The following ADARB2 variants were observed in gnomAD, a reference collection of about 807,000 sequenced individuals.
The protein encoded by ADARB2 is adenosine deaminase RNA specific B2 (inactive).
A neutral mutation model predicts 62.2 loss-of-function variants in ADARB2; 25 were observed. That is an observed-to-expected ratio of 0.40 (90% CI 0.29 to 0.56). ADARB2 has a LOEUF of 0.56. Ranked by LOEUF, ADARB2 falls within the 20% of genes least tolerant of loss-of-function variation. ADARB2 has a pLI of 0.43. For synonymous variants in ADARB2, 572 were observed against 500.8 expected (o/e 1.14, Z -1.90); for missense variants, 1,071 against 1,077.4 (o/e 0.99, Z 0.08).
intron 3 of ADARB2, among the ~76,000 whole-genome samples, chr10:1,276,793 G>C (rs62502342): frequency 0.36 from 55,173 of 151,888 alleles, 10,189 homozygotes; most frequent in South Asian, 0.53. Context: ...CCCAAATCAA[G>C]AGAATATACA....
rs147357793 is a variant in ADARB2, at chr10:1,348,160, A to T, written c.1077+14868T>A. Among the ~76,000 whole-genome samples the T allele has an allele frequency of 1.4e-3, 215 of 152,256 alleles. 1 individual carries two copies. Among genetic ancestry groups the T allele is most frequent in the African/African-American group, 4.8e-3 (199 of 41,538 alleles). On this transcript the variant is annotated intron_variant, in intron 3 of 9. Coordinates refer to ENST00000381312, the MANE Select transcript of ADARB2 (RefSeq NM_018702.4). ...TTGCTGAGCACGGGGTGTGCCCTGCATTGCTGGGGGCTGGGGTGGGAGTGG... is the reference window on the plus strand; with the variant it reads ...TTGCTGAGCACGGGGTGTGCCCTGCTTTGCTGGGGGCTGGGGTGGGAGTGG...
intron 1 of ADARB2, among the ~76,000 whole-genome samples, chr10:1,645,068 G>A (rs373096857): frequency 2.8e-4 from 42 of 152,330 alleles, no homozygotes; most frequent in African/African-American, 8.2e-4. Context: ...AAATGCCAAC[G>A]CATGGAAAAC....
At chr10:1,668,221 G>C (rs972777111) in intron 1 of ADARB2, among the ~76,000 whole-genome samples, 2 of 152,224 alleles carry the variant, frequency 1.3e-5, no homozygotes, top group Non-Finnish European at 2.9e-5. Flanking sequence ...GGTTGCAATA[G>C]TTTTGAGTGA....
Position 1,549,893 on chromosome 10 carries a change from G to A in ADARB2, c.101-170733C>T, listed in dbSNP as rs1052564193. ...CTCTCCTGGGTGCTGGGTCTGCAGC[G>A]TGAGATTAGATGGAGCTCTCTGTGC... is the stretch of plus-strand genomic sequence containing the variant. On this transcript the variant is annotated intron_variant, in intron 1 of 9. Transcript: ENST00000381312. Among the ~76,000 whole-genome samples the A allele has an allele frequency of 2.0e-5, 3 of 152,156 alleles. No homozygotes were observed. The East Asian group carries it at 5.8e-4, about 29-fold the overall frequency.
At chr10:1,318,610 G>A (rs1413544755) in intron 3 of ADARB2, among the ~76,000 whole-genome samples, 1 of 23,132 alleles carries the variant, frequency 4.3e-5, no homozygotes, top group Non-Finnish European at 9.8e-5. Flanking sequence ...CTGTCCTCGT[G>A]TACAAGTGGG....
intron 3 of ADARB2, among the ~76,000 whole-genome samples, chr10:1,351,881 C>T (rs551129764): frequency 2.1e-4 from 31 of 149,596 alleles, no homozygotes; most frequent in Admixed American, 5.3e-4. Context: ...TGTGCCTTAT[C>T]AACCAAATTG....
chr10:1,616,955 T>TGC (rs1413551070), intron 1 of ADARB2, among the ~76,000 whole-genome samples: 153 of 150,276 alleles, frequency 1.0e-3, no homozygotes, highest in African/African-American at 3.5e-3. Context: ...TGCTGTGCTC[T>TGC]GCATCCTGGG....
intron 3 of ADARB2, among the ~76,000 whole-genome samples, chr10:1,345,187 TC>T (rs1438906050): frequency 6.6e-6 from 1 of 151,330 alleles, no homozygotes; most frequent in Non-Finnish European, 1.5e-5. Context: ...GTCACGGTGG[TC>T]CCCCCTCACG....
intron 3 of ADARB2, among the ~76,000 whole-genome samples, chr10:1,315,957 A>G (rs1831735303): frequency 6.6e-6 from 1 of 152,200 alleles, no homozygotes; most frequent in African/African-American, 2.4e-5. Context: ...GTTTTTTGAA[A>G]AGTCAAATAT....
chr10:1,569,637 T>C (rs1832909242), intron 1 of ADARB2, among the ~76,000 whole-genome samples: 1 of 152,216 alleles, frequency 6.6e-6, no homozygotes, highest in African/African-American at 2.4e-5. Context: ...CTGTCTCCTT[T>C]TTAGAAATTA....
chr10:1,466,650 C>T (rs993914799), intron 1 of ADARB2, among the ~76,000 whole-genome samples: 2 of 152,128 alleles, frequency 1.3e-5, no homozygotes, highest in South Asian at 4.1e-4. Context: ...TGGTTGATTG[C>T]GACCAAAGGC....
At chr10:1,312,474 A>C (rs997877464) in intron 3 of ADARB2, among the ~76,000 whole-genome samples, 6 of 152,206 alleles carry the variant, frequency 3.9e-5, no homozygotes, top group African/African-American at 1.4e-4. Context: ...AACAGATTTC[A>C]AAGACCACCT....
intron 4 of ADARB2, among the ~76,000 whole-genome samples, chr10:1,267,047 TAAAAC>T (rs1275269272): frequency 1.4e-5 from 2 of 148,012 alleles, no homozygotes; most frequent in African/African-American, 5.0e-5. Context: ...AAGGAATTCA[TAAAAC>T]AAATGACATA....
intron 1 of ADARB2, among the ~76,000 whole-genome samples, chr10:1,674,117 G>A (rs1447461545): frequency 2.0e-5 from 3 of 152,250 alleles, no homozygotes; most frequent in Non-Finnish European, 4.4e-5. Flanking sequence ...CACTGGGAAC[G>A]GCCCCGTCGG....
At chr10:1,474,821 G>A (rs1414197567) in intron 1 of ADARB2, among the ~76,000 whole-genome samples, 1 of 152,194 alleles carries the variant, frequency 6.6e-6, no homozygotes, top group Non-Finnish European at 1.5e-5. Context: ...CTGTGTAAGA[G>A]TGCTGAGCAG....
chr10:1,303,024 C>T (rs1470314738), intron 3 of ADARB2, among the ~76,000 whole-genome samples: 11 of 151,872 alleles, frequency 7.2e-5, no homozygotes, highest in African/African-American at 1.9e-4. Context: ...CAAAGCTGGA[C>T]GGAGAATGAC....
At chr10:1,614,119 T>C (rs765460933) in intron 1 of ADARB2, among the ~76,000 whole-genome samples, 3 of 152,200 alleles carry the variant, frequency 2.0e-5, no homozygotes, top group Non-Finnish European at 4.4e-5. Flanking sequence ...CCGAGGCTGT[T>C]AAAGAGAAGA....
Position 1,265,159 on chromosome 10 carries a change from T to C in ADARB2, c.1192+5796A>G, listed in dbSNP as rs577025013. 6.6e-5 allele frequency among the ~76,000 whole-genome samples: 10 copies of C among 152,374 alleles called. No individual in the cohort carries two copies. In the South Asian group the frequency reaches 2.1e-3, roughly 32 times the overall value. ...GCCCTCAGGGCATCAGGAAAGCCAC[T>C]TGGCCTCTTCATCTTCGTGTCTGCA... On this transcript the variant is annotated intron_variant, in intron 4 of 9. Transcript: ENST00000381312.
chr10:1,264,571 C>T (rs1831176112), intron 4 of ADARB2, among the ~76,000 whole-genome samples: 1 of 152,222 alleles, frequency 6.6e-6, no homozygotes, highest in Non-Finnish European at 1.5e-5. Flanking sequence ...GAAAGCGTGG[C>T]ACAGACAGTA....
Sources: gnomAD v4.1 joint callset for allele counts (sites outside exome capture counted in the v4.1 genomes callset) on GRCh38, gnomAD v4.1.1 for gene constraint, MANE v1.5 for transcripts, NCBI Gene and HGNC (gene_info 2026-07-23, HGNC 2026-07-21) for gene names.